GUCY1A2: variants seen among roughly 807,000 people sequenced by gnomAD.
GUCY1A2 encodes guanylate cyclase 1 soluble subunit alpha 2.
In GUCY1A2, 27 loss-of-function variants were observed where a neutral mutation model predicts 63.5. The ratio of observed to expected loss-of-function variants is 0.43; its 90% CI spans 0.31 to 0.59. The LOEUF (loss-of-function observed/expected upper bound fraction) is 0.59, where lower values mean the gene tolerates loss of function less well. Ranked by LOEUF, GUCY1A2 falls within the 20% of genes least tolerant of loss-of-function variation. GUCY1A2 has a pLI of 0.11. For synonymous variants in GUCY1A2, 364 were observed against 343.5 expected (o/e 1.06, Z -0.66); for missense variants, 768 against 913.3 (o/e 0.84, Z 2.05).
chr11:106,850,938 T>C (rs1311800413), intron 4 of GUCY1A2, among the ~76,000 whole-genome samples: 1 of 151,914 alleles, frequency 6.6e-6, no homozygotes, highest in Non-Finnish European at 1.5e-5. Context: ...ATAATGGCTG[T>C]ACTAATTTAC....
intron 1 of GUCY1A2, among the ~76,000 whole-genome samples, chr11:107,015,692 T>C (rs1861813850): frequency 6.6e-6 from 1 of 151,944 alleles, no homozygotes; most frequent in Non-Finnish European, 1.5e-5. Context: ...TAAATAACTA[T>C]TTTATTGCAC....
Position 106,916,858 on chromosome 11 carries a change from C to A in GUCY1A2, c.1206+22602G>T, listed in dbSNP as rs1302538309. On this transcript the variant is annotated intron_variant, in intron 4 of 7. Coordinates refer to ENST00000526355, the MANE Select transcript of GUCY1A2 (RefSeq NM_000855.3). ...TTTATAAACACTTGCAGAAATAAAA[C>A]ATTATCATGATATAAAAAATTAGAA... 1.4e-5 allele frequency among the ~76,000 whole-genome samples: 2 copies of A among 145,448 alleles called. 1 individual carries two copies.
intron 1 of GUCY1A2, among the ~76,000 whole-genome samples, chr11:106,989,860 G>T (rs1002849871): frequency 3.3e-5 from 5 of 152,084 alleles, no homozygotes; most frequent in African/African-American, 1.2e-4. Flanking sequence ...CAGTGAGTAG[G>T]AACGACACTG....
chr11:106,690,840 C>A (rs993721761), intron 7 of GUCY1A2, among the ~76,000 whole-genome samples: 1 of 152,122 alleles, frequency 6.6e-6, no homozygotes, highest in African/African-American at 2.4e-5. Flanking sequence ...TAAACACAGT[C>A]AAGCTTAGCC....
chr11:106,894,000 C>T (rs113427690), intron 4 of GUCY1A2, among the ~76,000 whole-genome samples: 51 of 152,258 alleles, frequency 3.3e-4, no homozygotes, highest in African/African-American at 1.2e-3. Flanking sequence ...TTTAGAAATA[C>T]ACCAGATCAT....
intron 5 of GUCY1A2, among the ~76,000 whole-genome samples, chr11:106,804,250 A>C (rs979895177): frequency 1.3e-5 from 2 of 152,204 alleles, no homozygotes; most frequent in Non-Finnish European, 2.9e-5. Flanking sequence ...TATCAGTAAA[A>C]GCAAATGATG....
At chr11:106,926,643 C>T (rs980507802) in intron 4 of GUCY1A2, among the ~76,000 whole-genome samples, 2 of 151,524 alleles carry the variant, frequency 1.3e-5, no homozygotes, top group Non-Finnish European at 2.9e-5. Context: ...AAGAAGGCTC[C>T]GAACACATTT....
intron 4 of GUCY1A2, among the ~76,000 whole-genome samples, chr11:106,872,388 G>C (rs1182481628): frequency 6.6e-6 from 1 of 152,076 alleles, no homozygotes; most frequent in Admixed American, 6.6e-5. Flanking sequence ...TCACAACATT[G>C]CTACATACCA....
At chr11:106,702,462 T>C (rs1256387849) in intron 7 of GUCY1A2, among the ~76,000 whole-genome samples, 1 of 152,154 alleles carries the variant, frequency 6.6e-6, no homozygotes, top group Non-Finnish European at 1.5e-5. Context: ...GGGCAGGTTA[T>C]GCAGTGAGAG....
At chr11:106,922,497 AT>A (rs1291588736) in intron 4 of GUCY1A2, among the ~76,000 whole-genome samples, 1 of 150,710 alleles carries the variant, frequency 6.6e-6, no homozygotes, top group Non-Finnish European at 1.5e-5. Context: ...ATAAATACAT[AT>A]ATTTGTTTAT....
chr11:106,986,882 C>T (rs1001296891), intron 1 of GUCY1A2, among the ~76,000 whole-genome samples: 2 of 152,128 alleles, frequency 1.3e-5, no homozygotes, highest in African/African-American at 2.4e-5. Context: ...CAGCTCATGA[C>T]CACATTTCAT....
At chr11:106,918,391 C>T (rs1031194249) in intron 4 of GUCY1A2, among the ~76,000 whole-genome samples, 1 of 145,324 alleles carries the variant, frequency 6.9e-6, no homozygotes, top group African/African-American at 2.4e-5. Flanking sequence ...AATATTTTAC[C>T]CAACACACCA....
chr11:106,677,802 C>T lies in GUCY1A2; in HGVS notation c.*9747G>A. 4.7e-6 allele frequency: 1 copy of T among 210,862 alleles called. No individual in the cohort carries two copies. Among genetic ancestry groups the T allele is most frequent in the Admixed American group, 5.9e-5 (1 of 17,010 alleles). The allele number at this position is 210,862 out of a possible 1,614,324, so 13.1% of individuals were successfully genotyped here. On this transcript the variant is annotated 3_prime_UTR_variant, in exon 8 of 8. Coordinates refer to ENST00000526355, the MANE Select transcript of GUCY1A2 (RefSeq NM_000855.3). Reference sequence around the variant, plus strand: ...TCTTTCCATCTTCTCTACTGGTATCCATTCCTTTCTCTAAGTTGCATTTCA... The same window carrying T: ...TCTTTCCATCTTCTCTACTGGTATCTATTCCTTTCTCTAAGTTGCATTTCA...
Position 106,708,674 on chromosome 11 carries a change from A to G in GUCY1A2, c.1837-8T>C. ...GTGAATTCCTATCCTCATCTAAAGA[A>G]GAATGAAAGAGGAAAAGGAACATAT... On this transcript the variant is annotated splice_polypyrimidine_tract_variant and splice_region_variant and intron_variant, in intron 6 of 7. Coordinates refer to ENST00000526355, the MANE Select transcript of GUCY1A2 (RefSeq NM_000855.3). 1 of 1,562,226 alleles carries G rather than the reference A, an allele frequency of 6.4e-7. No individual in the cohort carries two copies. The highest frequency in any genetic ancestry group is 1.2e-5 in the South Asian group (1 of 85,408).
rs531850467 is a variant in GUCY1A2 at position 106,947,396 on chromosome 11, T to C, written c.488-7218A>G. On this transcript the variant is annotated intron_variant, in intron 3 of 7. Transcript: ENST00000526355. ...AAGAAAACCTTGATAAAAATAAAAT[T>C]TTAGTGAAAAACTTTAATGTGTCCT... Among the ~76,000 whole-genome samples the C allele has an allele frequency of 1.7e-4, 26 of 151,820 alleles. 1 individual carries two copies. The East Asian group carries it at 2.1e-3, about 12-fold the overall frequency.
At position 106,687,483 on chromosome 11, in the gene GUCY1A2, C is replaced by T. The variant is rs1386601049; in HGVS notation, c.*66G>A. On this transcript the variant is annotated 3_prime_UTR_variant, in exon 8 of 8. Coordinates refer to ENST00000526355, the MANE Select transcript of GUCY1A2 (RefSeq NM_000855.3). Reference sequence around the variant, plus strand: ...ATGAAAGAGACACAATCTCTTTCCACCCCCCATTGGTGACCCATGTTCTGG... The same window carrying T: ...ATGAAAGAGACACAATCTCTTTCCATCCCCCATTGGTGACCCATGTTCTGG... 2 of 1,117,642 alleles carry T rather than the reference C, an allele frequency of 1.8e-6. No homozygotes were observed. The highest frequency in any genetic ancestry group is 2.7e-6 in the Non-Finnish European group (2 of 736,894). The allele number at this position is 1,117,642 out of a possible 1,614,324, so 69.2% of individuals were successfully genotyped here.
intron 6 of GUCY1A2, among the ~76,000 whole-genome samples, chr11:106,730,017 G>A (rs1453364224): frequency 1.6e-4 from 22 of 138,108 alleles, no homozygotes; most frequent in Non-Finnish European, 2.9e-4. Context: ...AAGCAAAAAT[G>A]TCATTCTTTA....
At chr11:106,691,036 C>T (rs1862614685) in intron 7 of GUCY1A2, among the ~76,000 whole-genome samples, 1 of 152,262 alleles carries the variant, frequency 6.6e-6, no homozygotes, top group South Asian at 2.1e-4. Flanking sequence ...AAGCTCTATA[C>T]AGCAGTTTTA....
intron 4 of GUCY1A2, among the ~76,000 whole-genome samples, chr11:106,929,581 C>A (rs960677904): frequency 6.6e-6 from 1 of 152,122 alleles, no homozygotes; most frequent in Non-Finnish European, 1.5e-5. Context: ...CTGAAACTAG[C>A]ATTACAAAAA....
Sources: allele counts gnomAD v4.1 joint callset (sites outside exome capture counted in the v4.1 genomes callset), GRCh38; gene constraint gnomAD v4.1.1; transcripts MANE v1.5; gene names NCBI Gene and HGNC (gene_info 2026-07-23, HGNC 2026-07-21).